Variants in USP7 observed in about 807,000 individuals in gnomAD.
USP7 encodes the protein ubiquitin C-terminal hydrolase 7.
Under a neutral mutation model 162.9 loss-of-function variants are expected in USP7, and 9 were observed. That is an observed-to-expected ratio of 0.06 (90% CI 0.03 to 0.10). USP7 has a LOEUF of 0.10. Ranked by LOEUF, USP7 falls within the 10% of genes least tolerant of loss-of-function variation. The pLI is 1.00. For missense variants in USP7, 715 were observed against 1,373.7 expected (o/e 0.52, Z 7.58); for synonymous variants, 562 against 475.9 (o/e 1.18, Z -2.35).
Position 8,963,750 on chromosome 16 carries a change from C to CCGGCGGGAG in USP7, c.-474_-466dup, listed in dbSNP as rs1419647352. Among the ~76,000 whole-genome samples, 1 of 142,896 alleles carries CCGGCGGGAG rather than the reference C, an allele frequency of 7.0e-6. No individual in the cohort carries two copies. Among genetic ancestry groups the CCGGCGGGAG allele is most frequent in the African/African-American group, 2.5e-5 (1 of 39,832 alleles). The allele number at this position is 142,896 out of a possible 152,430, so 93.7% of individuals were successfully genotyped here. On this transcript the variant is annotated 5_prime_UTR_variant, in exon 1 of 31. Transcript: ENST00000344836. ...CGCGGCGGGCCTGCGGGCCCTGGGG[C>CCGGCGGGAG]CGGCGGGAGCGGCGGAGCGGGCGGG...
intron 1 of USP7, chr16:8,949,617 C>T (rs1243856256): frequency 1.3e-5 from 2 of 152,508 alleles, no homozygotes; most frequent in Non-Finnish European, 2.9e-5. Context: ...CACCTCTTCA[C>T]CATGCCTTCC....
Position 8,920,397 on chromosome 16 carries a change from A to C in USP7, c.573T>G (p.Phe191Leu). The C allele has an allele frequency of 6.2e-7, 1 of 1,613,660 alleles. No homozygotes were observed. The highest frequency in any genetic ancestry group is 8.5e-7 in the Non-Finnish European group (1 of 1,179,928). ...KGFIDDDKVT[F>L]EVFVQADAPH... ...GAGCATCCGCCTGTACAAAGACTTCAAAGGTAACTTTGTCATCATCTATAA... is the reference window on the plus strand; with the variant it reads ...GAGCATCCGCCTGTACAAAGACTTCCAAGGTAACTTTGTCATCATCTATAA... The change falls in exon 5 of 31, where the codon TTT (phenylalanine) becomes TTG (leucine). Residue 191 changes from phenylalanine to leucine, a missense_variant. Coordinates refer to ENST00000344836, the MANE Select transcript of USP7 (RefSeq NM_003470.3).
At chr16:8,936,262 G>T (rs1655296398) in intron 1 of USP7, among the ~76,000 whole-genome samples, 1 of 152,062 alleles carries the variant, frequency 6.6e-6, no homozygotes, top group East Asian at 1.9e-4. Flanking sequence ...GCCAACACCT[G>T]GTCTCTGGGT....
At chr16:8,931,912 A>G (rs2141233156) in intron 1 of USP7, among the ~76,000 whole-genome samples, 1 of 152,332 alleles carries the variant, frequency 6.6e-6, no homozygotes, top group Middle Eastern at 3.4e-3. Flanking sequence ...CTGGACACCA[A>G]CAGAAATTAA....
intron 25 of USP7, among the ~76,000 whole-genome samples, chr16:8,897,806 G>A (rs975190910): frequency 2.1e-5 from 3 of 145,072 alleles, no homozygotes; most frequent in African/African-American, 7.8e-5. Flanking sequence ...GGCTGAGGTG[G>A]GAGGATCACT....
chr16:8,932,662 T>C (rs933849496), intron 1 of USP7, among the ~76,000 whole-genome samples: 9 of 152,182 alleles, frequency 5.9e-5, no homozygotes, highest in East Asian at 3.8e-4. Flanking sequence ...ATGTCTTTCA[T>C]CCACATTCAT....
At chr16:8,928,241 G>A (rs1364686215) in intron 2 of USP7, among the ~76,000 whole-genome samples, 1 of 152,158 alleles carries the variant, frequency 6.6e-6, no homozygotes, top group Non-Finnish European at 1.5e-5. Context: ...TCAAGTCGCT[G>A]ATAGTTTGGC....
chr16:8,921,021 T>C (rs1897664927), intron 4 of USP7, 136 bp downstream of exon 4: 2 of 1,005,314 alleles, frequency 2.0e-6, no homozygotes, highest in South Asian at 2.0e-5. Flanking sequence ...AGAAAACATG[T>C]TTTCAAAGAC....
intron 23 of USP7, chr16:8,898,866 C>A (rs2061729637): frequency 8.1e-6 from 5 of 614,616 alleles, no homozygotes; most frequent in Non-Finnish European, 1.4e-5. Context: ...CCTGGCAGGA[C>A]TGACCAGCTG....
At chr16:8,894,159 A>G in intron 30 of USP7, 55 bp from the exon 31 acceptor site, 2 of 1,534,252 alleles carry the variant, frequency 1.3e-6, no homozygotes, top group South Asian at 1.1e-5. Flanking sequence ...GGAACCCCTC[A>G]GCGGGGTGGT....
At chr16:8,927,278 C>A (rs1248959449) in intron 2 of USP7, among the ~76,000 whole-genome samples, 1 of 148,732 alleles carries the variant, frequency 6.7e-6, no homozygotes, top group African/African-American at 2.5e-5. Context: ...ACCGAGATTG[C>A]GCCACTGCAC....
intron 1 of USP7, among the ~76,000 whole-genome samples, chr16:8,946,596 AAACTC>A (rs547779315): frequency 6.6e-6 from 1 of 152,228 alleles, no homozygotes; most frequent in Non-Finnish European, 1.5e-5. Context: ...CAGCTGGACA[AAACTC>A]AACTAAAAAG....
intron 2 of USP7, among the ~76,000 whole-genome samples, chr16:8,927,825 G>C (rs1039619188): frequency 6.6e-6 from 1 of 152,156 alleles, no homozygotes; most frequent in African/African-American, 2.4e-5. Flanking sequence ...GACACAACAA[G>C]AACCTATCTC....
intron 1 of USP7, among the ~76,000 whole-genome samples, chr16:8,931,079 T>C (rs1249425248): frequency 6.6e-6 from 1 of 152,208 alleles, no homozygotes; most frequent in East Asian, 1.9e-4. Flanking sequence ...ATAGGTTTCC[T>C]AGTAATTAAA....
chr16:8,929,970 CAAG>C (rs1385700922), intron 2 of USP7, among the ~76,000 whole-genome samples: 17 of 152,294 alleles, frequency 1.1e-4, no homozygotes, highest in East Asian at 3.9e-4. Flanking sequence ...TGCAAACAAA[CAAG>C]AAGGAGAGTA....
intron 13 of USP7, among the ~76,000 whole-genome samples, chr16:8,906,083 G>A (rs1269421451): frequency 1.1e-4 from 16 of 152,288 alleles, no homozygotes; most frequent in Admixed American, 9.1e-4. Context: ...CAGGGGGCAC[G>A]CAGAGGGACA....
At chr16:8,951,146 T>C (rs959543956) in intron 1 of USP7, among the ~76,000 whole-genome samples, 1 of 150,642 alleles carries the variant, frequency 6.6e-6, no homozygotes, top group Non-Finnish European at 1.5e-5. Context: ...AAGTAAGGAT[T>C]TCTGTATTTA....
intron 21 of USP7, 61 bp downstream of exon 21, chr16:8,900,469 T>C: frequency 7.5e-7 from 1 of 1,341,258 alleles, no homozygotes; most frequent in Non-Finnish European, 1.0e-6. Flanking sequence ...TTCTTGGTTC[T>C]ACAACTTAAA....
chr16:8,932,090 A>G (rs1408973428), intron 1 of USP7, among the ~76,000 whole-genome samples: 5 of 152,072 alleles, frequency 3.3e-5, no homozygotes, highest in Non-Finnish European at 4.4e-5. Flanking sequence ...CAAAACCCCA[A>G]CGCTTAGATT....
Sources: allele counts gnomAD v4.1 joint callset (sites outside exome capture counted in the v4.1 genomes callset), GRCh38; gene constraint gnomAD v4.1.1; transcripts MANE v1.5; gene names NCBI Gene and HGNC (gene_info 2026-07-23, HGNC 2026-07-21).